Variants in SEC23A observed in about 807,000 individuals in gnomAD.
SEC23A encodes the protein SEC23 homolog A, COPII component.
In SEC23A, 56 loss-of-function variants were observed where a neutral mutation model predicts 103.7. That is an observed-to-expected ratio of 0.54 (90% confidence interval 0.44 to 0.67). SEC23A has a LOEUF of 0.67. Ranked by LOEUF, SEC23A falls within the 30% of genes least tolerant of loss-of-function variation. The pLI is 0.00. For missense variants in SEC23A, 784 were observed against 936.4 expected (o/e 0.84, Z 2.12); for synonymous variants, 281 against 293.0 (o/e 0.96, Z 0.42).
rs751895744 is a variant in SEC23A, at chr14:39,067,170, T to C, written c.1227+3A>G. 3 of 1,613,784 alleles carry C rather than the reference T, an allele frequency of 1.9e-6. No homozygotes were observed. The highest frequency in any genetic ancestry group is 2.5e-6 in the Non-Finnish European group (3 of 1,179,870). ...ATCGCACATGTCAAGTTTTGGTTCT[T>C]ACCTTTATTTCTAGCGTACCACCAA... On this transcript the variant is annotated splice_donor_region_variant and intron_variant, in intron 10 of 19. Coordinates refer to ENST00000307712, the MANE Select transcript of SEC23A (RefSeq NM_006364.4).
chr14:39,073,857 C>G (rs779210142), intron 9 of SEC23A, among the ~76,000 whole-genome samples: 2 of 152,086 alleles, frequency 1.3e-5, no homozygotes, highest in Non-Finnish European at 2.9e-5. Context: ...ATCTACCTGC[C>G]TTAGCCTCCC....
chr14:39,100,303 A>G, intron 1 of SEC23A, among the ~76,000 whole-genome samples: 1 of 152,134 alleles, frequency 6.6e-6, no homozygotes, highest in East Asian at 1.9e-4. Flanking sequence ...ACCTTTCCAT[A>G]GTAGGAGTCA....
rs779838594 is a variant in SEC23A at position 39,074,417 on chromosome 14, A to T, written c.1101T>A (p.Thr367=). The T allele has an allele frequency of 1.9e-6, 3 of 1,585,638 alleles. No homozygotes were observed. In the East Asian group the frequency reaches 6.7e-5, roughly 35 times the overall value. Residue 367 remains threonine (T), a splice_region_variant and synonymous_variant, in exon 9 of 20, where the codon ACT becomes ACA. Coordinates refer to ENST00000307712, the MANE Select transcript of SEC23A (RefSeq NM_006364.4). ...ACTGTAAAAATTTAAATACATACCCAGTAAGGTTGGGACAGCATTTCATCT... is the reference window on the plus strand; with the variant it reads ...ACTGTAAAAATTTAAATACATACCCTGTAAGGTTGGGACAGCATTTCATCT... ...LLEMKCCPNL[T]GGYMVMGDSF...
intron 2 of SEC23A, 126 bp downstream of exon 2, chr14:39,095,772 T>C (rs1195159709): frequency 1.3e-6 from 1 of 754,464 alleles, no homozygotes; most frequent in Non-Finnish European, 2.2e-6. Flanking sequence ...CTGGATTGTT[T>C]TGACTGTCCT....
intron 9 of SEC23A, among the ~76,000 whole-genome samples, chr14:39,067,843 GT>G (rs889858421): frequency 5.9e-5 from 9 of 151,456 alleles, no homozygotes; most frequent in Admixed American, 2.0e-4. Flanking sequence ...TAATTTTTTT[GT>G]TTTTTTGTAG....
At chr14:39,075,450 G>C (rs1196574455) in intron 8 of SEC23A, among the ~76,000 whole-genome samples, 1 of 152,048 alleles carries the variant, frequency 6.6e-6, no homozygotes, top group African/African-American at 2.4e-5. Context: ...ACGAATATAA[G>C]AGAGTCAAAA....
intron 5 of SEC23A, among the ~76,000 whole-genome samples, chr14:39,090,086 T>C (rs948581711): frequency 6.6e-6 from 1 of 152,222 alleles, no homozygotes; most frequent in Non-Finnish European, 1.5e-5. Flanking sequence ...GTTCTCTTAG[T>C]TAACTGCAGC....
At chr14:39,088,542 G>A (rs1887535348) in intron 5 of SEC23A, 1 of 151,938 alleles carries the variant, frequency 6.6e-6, no homozygotes, top group Admixed American at 6.6e-5. Flanking sequence ...GACCAACCTT[G>A]GCTAACATGG....
chr14:39,090,539 A>G (rs1319759479), intron 5 of SEC23A, among the ~76,000 whole-genome samples: 1 of 152,222 alleles, frequency 6.6e-6, no homozygotes, highest in Non-Finnish European at 1.5e-5. Context: ...CATAGTTCCT[A>G]CACTAAAAAT....
chr14:39,052,365 T>C (rs1234211219), intron 14 of SEC23A, among the ~76,000 whole-genome samples: 2 of 151,562 alleles, frequency 1.3e-5, no homozygotes, highest in South Asian at 2.1e-4. Context: ...AGATAAAAGA[T>C]ATAAAAGAGA....
chr14:39,088,740 C>CA (rs1158524292), intron 5 of SEC23A: 4 of 142,652 alleles, frequency 2.8e-5, no homozygotes, highest in Non-Finnish European at 6.2e-5. Context: ...CTCAGACAAA[C>CA]AAAAAAAAAC....
At chr14:39,034,549 C>T (rs988834951) in intron 19 of SEC23A, among the ~76,000 whole-genome samples, 3 of 152,140 alleles carry the variant, frequency 2.0e-5, no homozygotes, top group Non-Finnish European at 4.4e-5. Flanking sequence ...ATGGCTCTTA[C>T]TTTTTTCTTC....
In SEC23A at chr14:39,068,559, A is replaced by T. The variant is rs184905281; in HGVS notation, c.1104-1263T>A. 1.1e-3 allele frequency among the ~76,000 whole-genome samples: 168 copies of T among 152,338 alleles called. 1 individual carries two copies. The highest frequency in any genetic ancestry group is 4.0e-3 in the African/African-American group (165 of 41,580). On this transcript the variant is annotated intron_variant, in intron 9 of 19. Coordinates refer to ENST00000307712, the MANE Select transcript of SEC23A (RefSeq NM_006364.4). ...ATAACAGAAAACTGAAAACAATCCA[A>T]ATAATCATGTAATTAGAGACTAGTT... is the stretch of plus-strand genomic sequence containing the variant.
chr14:39,037,951 CT>C (rs966844702), intron 19 of SEC23A, among the ~76,000 whole-genome samples: 1 of 152,200 alleles, frequency 6.6e-6, no homozygotes, highest in Non-Finnish European at 1.5e-5. Context: ...CTACAGACTG[CT>C]TCCATTTAAT....
chr14:39,088,178 C>T (rs994509624), intron 5 of SEC23A: 2 of 152,002 alleles, frequency 1.3e-5, no homozygotes, highest in African/African-American at 2.4e-5. Context: ...GGAGCAAAGG[C>T]CAGGCTCTTT....
In SEC23A at chr14:39,085,908, TAAGAA is replaced by T; in HGVS notation, c.684-7_684-3del. The T allele has an allele frequency of 6.2e-7, 1 of 1,612,080 alleles. No individual in the cohort carries two copies. The highest frequency in any genetic ancestry group is 8.5e-7 in the Non-Finnish European group (1 of 1,178,212). On this transcript the variant is annotated splice_polypyrimidine_tract_variant and splice_region_variant and intron_variant, in intron 6 of 19. Transcript: ENST00000307712. ...ATTTTCTGTACTGGTTGTAAGAATC[TAAGAA>T]ACAGAATTAAATAAAAAGCCATTTG... is the stretch of plus-strand genomic sequence containing the variant.
Position 39,092,555 on chromosome 14 carries a change from C to T in SEC23A, c.352G>A (p.Glu118Lys). The T allele has an allele frequency of 6.2e-7, 1 of 1,602,484 alleles. No homozygotes were observed. The highest frequency in any genetic ancestry group is 1.1e-5 in the South Asian group (1 of 90,338). ...TAGGTTCTTACCAGAACTACATATT[C>T]AATGCTAGAAAACTGAGGTAAAAGT... is the stretch of plus-strand genomic sequence containing the variant. The part of the protein sequence containing the change: ...AELLPQFSSI[E>K]YVVLRGPQMP... Residue 118 changes from glutamate to lysine, a missense_variant, in exon 4 of 20, where the codon GAA becomes AAA. Physicochemically the swap from Glu to Lys is moderately conservative, Grantham distance 56. Around this residue, in one of 2 missense-constraint regions of SEC23A, gnomAD observed 683 missense variants for 774.2 expected, o/e 0.88. Coordinates refer to ENST00000307712, the MANE Select transcript of SEC23A (RefSeq NM_006364.4).
At chr14:39,053,759 A>T (rs925759433) in intron 14 of SEC23A, among the ~76,000 whole-genome samples, 3 of 152,192 alleles carry the variant, frequency 2.0e-5, no homozygotes, top group Non-Finnish European at 4.4e-5. Flanking sequence ...AGTTCTCAAA[A>T]GGGTGTTTAA....
intron 14 of SEC23A, among the ~76,000 whole-genome samples, chr14:39,053,307 A>G (rs1886132352): frequency 6.6e-6 from 1 of 152,232 alleles, no homozygotes; most frequent in Non-Finnish European, 1.5e-5. Flanking sequence ...CAATGATGTC[A>G]TGTCAGATTT....
Sources: allele counts gnomAD v4.1 joint callset (sites outside exome capture counted in the v4.1 genomes callset), GRCh38; gene constraint gnomAD v4.1.1; regional missense constraint gnomAD v4.1.1; transcripts MANE v1.5; gene names NCBI Gene and HGNC (gene_info 2026-07-23, HGNC 2026-07-21).